The following MGAT5 variants were observed in gnomAD, a reference collection of about 807,000 sequenced individuals.
MGAT5 encodes the protein alpha-1,6-mannosylglycoprotein 6-beta-N-acetylglucosaminyltransferase, also known as alpha-1,6-mannosylglycoprotein 6-beta-N-acetylglucosaminyltransferase A.
A neutral mutation model predicts 94.3 loss-of-function variants in MGAT5; 30 were observed. The observed-to-expected ratio is 0.32, with a 90% confidence interval of 0.24 to 0.43. MGAT5 has a LOEUF of 0.43. Ranked by LOEUF, MGAT5 falls within the 20% of genes least tolerant of loss-of-function variation. The pLI is 1.00. For synonymous variants in MGAT5, 310 were observed against 322.9 expected (o/e 0.96, Z 0.43); for missense variants, 691 against 905.5 (o/e 0.76, Z 3.04).
intron 1 of MGAT5, among the ~76,000 whole-genome samples, chr2:134,219,722 G>A (rs1680663812): frequency 6.6e-6 from 1 of 152,128 alleles, no homozygotes; most frequent in South Asian, 2.1e-4. Flanking sequence ...AGTTCTTTTA[G>A]GAGATCCTGA....
chr2:134,429,331 T>C (rs1470995400), intron 14 of MGAT5, among the ~76,000 whole-genome samples: 1 of 152,238 alleles, frequency 6.6e-6, no homozygotes, highest in East Asian at 1.9e-4. Flanking sequence ...CCCTGGGTGC[T>C]GCTGTTGGAG....
At chr2:134,203,848 T>TTTAA (rs1391163573) in intron 1 of MGAT5, among the ~76,000 whole-genome samples, 1 of 152,186 alleles carries the variant, frequency 6.6e-6, no homozygotes, top group Admixed American at 6.5e-5. Context: ...TAGGCACTTG[T>TTTAA]TTAAGTTGGC....
At chr2:134,142,205 G>A (rs1426501771) in intron 1 of MGAT5, among the ~76,000 whole-genome samples, 1 of 152,208 alleles carries the variant, frequency 6.6e-6, no homozygotes, top group Non-Finnish European at 1.5e-5. Flanking sequence ...CCTGAGAGGG[G>A]AAAGGTGGGC....
rs552995223 is a variant in MGAT5, at chr2:134,446,190, G to A, written c.2028-2459G>A. Among the ~76,000 whole-genome samples the A allele has an allele frequency of 5.3e-5, 8 of 152,188 alleles. No homozygotes were observed. The East Asian group carries it at 1.6e-3, about 30-fold the overall frequency. ...TGTGCATCACCCCAGGCAGGCTTCTGCTGCTGCAGCCTTAGCTGAATCCTG... is the reference window on the plus strand; with the variant it reads ...TGTGCATCACCCCAGGCAGGCTTCTACTGCTGCAGCCTTAGCTGAATCCTG... On this transcript the variant is annotated intron_variant, in intron 15 of 15. Coordinates refer to ENST00000281923, the MANE Select transcript of MGAT5 (RefSeq NM_002410.5).
intron 7 of MGAT5, among the ~76,000 whole-genome samples, chr2:134,342,479 T>G (rs1270076665): frequency 2.0e-5 from 3 of 152,200 alleles, no homozygotes; most frequent in Admixed American, 2.0e-4. Flanking sequence ...AGAGACATGT[T>G]AAAACAATAT....
chr2:134,342,008 C>T (rs556930863), intron 7 of MGAT5, among the ~76,000 whole-genome samples: 1 of 152,246 alleles, frequency 6.6e-6, no homozygotes, highest in East Asian at 1.9e-4. Context: ...AACTAAGGAG[C>T]TTATTCTTTG....
intron 2 of MGAT5, among the ~76,000 whole-genome samples, chr2:134,297,517 A>G (rs1236803257): frequency 6.6e-6 from 1 of 152,190 alleles, no homozygotes; most frequent in African/African-American, 2.4e-5. Flanking sequence ...AAATTTGGCA[A>G]CATATGAAAA....
chr2:134,363,104 C>T (rs1038570148), intron 10 of MGAT5, among the ~76,000 whole-genome samples: 6 of 151,678 alleles, frequency 4.0e-5, no homozygotes, highest in African/African-American at 1.5e-4. Context: ...GGGAAGTCTG[C>T]CTCATTGGCC....
At chr2:134,394,381 G>A (rs912875296) in intron 10 of MGAT5, among the ~76,000 whole-genome samples, 1 of 152,116 alleles carries the variant, frequency 6.6e-6, no homozygotes, top group Non-Finnish European at 1.5e-5. Flanking sequence ...TTGATCAACT[G>A]AGTAAAGATC....
intron 6 of MGAT5, among the ~76,000 whole-genome samples, chr2:134,340,190 A>T (rs1053488586): frequency 6.6e-6 from 1 of 152,192 alleles, no homozygotes; most frequent in Admixed American, 6.6e-5. Context: ...AGGCCTATAA[A>T]TAGTAATAAA....
chr2:134,304,062 CAT>C (rs1255599357), intron 2 of MGAT5, among the ~76,000 whole-genome samples: 1 of 152,170 alleles, frequency 6.6e-6, no homozygotes, highest in Non-Finnish European at 1.5e-5. Flanking sequence ...ATTGCCAATG[CAT>C]AGTTTCTCTG....
At chr2:134,294,222 A>T (rs1045360486) in intron 2 of MGAT5, among the ~76,000 whole-genome samples, 1 of 152,192 alleles carries the variant, frequency 6.6e-6, no homozygotes, top group Non-Finnish European at 1.5e-5. Flanking sequence ...TCTGCGGTTT[A>T]GCCCCATAGA....
chr2:134,278,749 G>A (rs557039640), intron 2 of MGAT5, among the ~76,000 whole-genome samples: 3 of 152,242 alleles, frequency 2.0e-5, no homozygotes, highest in African/African-American at 2.4e-5. Flanking sequence ...CACTTGGAAC[G>A]AGCCCAAACC....
intron 1 of MGAT5, among the ~76,000 whole-genome samples, chr2:134,156,754 C>T (rs1687497731): frequency 6.6e-6 from 1 of 152,208 alleles, no homozygotes; most frequent in African/African-American, 2.4e-5. Context: ...CCTCCCTCCA[C>T]ATCACAGCCT....
At chr2:134,410,505 T>A (rs145326808) in intron 11 of MGAT5, among the ~76,000 whole-genome samples, 1 of 152,336 alleles carries the variant, frequency 6.6e-6, no homozygotes, top group Non-Finnish European at 1.5e-5. Context: ...TATGAGGCTT[T>A]GGGAGAGTTA....
chr2:134,433,188 T>TG (rs1010605575), intron 14 of MGAT5, among the ~76,000 whole-genome samples: 2 of 152,218 alleles, frequency 1.3e-5, no homozygotes, highest in Non-Finnish European at 2.9e-5. Context: ...CATGATGTTT[T>TG]GGGGGTTCAC....
chr2:134,126,772 G>A (rs1214810736), intron 1 of MGAT5, among the ~76,000 whole-genome samples: 3 of 152,202 alleles, frequency 2.0e-5, no homozygotes, highest in East Asian at 3.8e-4. Flanking sequence ...CCCTGGGGAC[G>A]TGGCTAGGTG....
intron 10 of MGAT5, among the ~76,000 whole-genome samples, chr2:134,382,125 C>G (rs1681666366): frequency 6.6e-6 from 1 of 151,942 alleles, no homozygotes; most frequent in Non-Finnish European, 1.5e-5. Context: ...TACAGTGGCT[C>G]ACATCTGTAA....
chr2:134,256,883 G>A (rs1156516072), intron 1 of MGAT5, among the ~76,000 whole-genome samples: 1 of 152,186 alleles, frequency 6.6e-6, no homozygotes, highest in Non-Finnish European at 1.5e-5. Context: ...TATCAAAGTG[G>A]TTTTGGGAGC....
Sources: allele counts gnomAD v4.1 joint callset (sites outside exome capture counted in the v4.1 genomes callset), GRCh38; gene constraint gnomAD v4.1.1; transcripts MANE v1.5; gene names NCBI Gene and HGNC (gene_info 2026-07-23, HGNC 2026-07-21).